AKAP6: variants seen among roughly 807,000 people sequenced by gnomAD.
The protein encoded by AKAP6 is A-kinase anchor protein 6.
Under a neutral mutation model 188.5 loss-of-function variants are expected in AKAP6, and 58 were observed. The observed-to-expected ratio is 0.31, with a 90% CI of 0.25 to 0.38. The LOEUF (loss-of-function observed/expected upper bound fraction) is 0.38. Ranked by LOEUF, AKAP6 falls within the 10% of genes least tolerant of loss-of-function variation. The pLI, the probability that AKAP6 is intolerant of heterozygous loss-of-function variation, is 1.00. For synonymous variants in AKAP6, 989 were observed against 998.6 expected, an observed-to-expected ratio of 0.99 and a Z score of 0.18; for missense variants, 2,710 against 2,740.0, an observed-to-expected ratio of 0.99 and a Z score of 0.24.
intron 1 of AKAP6, among the ~76,000 whole-genome samples, chr14:32,370,057 AC>A (rs1249723155): frequency 1.3e-5 from 2 of 152,028 alleles, no homozygotes; most frequent in Non-Finnish European, 2.9e-5. Context: ...AAAAATTATA[AC>A]CTCCTAGAGC....
intron 3 of AKAP6, among the ~76,000 whole-genome samples, chr14:32,543,852 G>A (rs1566565554): frequency 6.6e-6 from 1 of 152,114 alleles, no homozygotes; most frequent in Non-Finnish European, 1.5e-5. Context: ...TAGTACAGAC[G>A]GCAGAAGAAA....
intron 2 of AKAP6, among the ~76,000 whole-genome samples, chr14:32,488,324 A>G (rs1879812590): frequency 6.6e-6 from 1 of 152,150 alleles, no homozygotes; most frequent in Non-Finnish European, 1.5e-5. Flanking sequence ...CTTTGTTTAC[A>G]CTGTGAGGGG....
At chr14:32,523,192 G>C (rs567412088) in intron 2 of AKAP6, among the ~76,000 whole-genome samples, 3 of 152,016 alleles carry the variant, frequency 2.0e-5, no homozygotes, top group South Asian at 2.1e-4. Flanking sequence ...TGGGGGAAGG[G>C]GGGGAGGGAT....
At chr14:32,750,461 C>T (rs2032080579) in intron 11 of AKAP6, among the ~76,000 whole-genome samples, 1 of 151,946 alleles carries the variant, frequency 6.6e-6, no homozygotes, top group African/African-American at 2.4e-5. Context: ...GAGGCTCATT[C>T]TTGTAATCAT....
intron 2 of AKAP6, among the ~76,000 whole-genome samples, chr14:32,458,974 A>T (rs570264743): frequency 1.8e-4 from 27 of 152,346 alleles, no homozygotes; most frequent in South Asian, 4.1e-4. Flanking sequence ...CCCAAACTAG[A>T]AACAACCCAG....
At chr14:32,738,353 G>C (rs1594896687) in intron 11 of AKAP6, among the ~76,000 whole-genome samples, 1 of 152,236 alleles carries the variant, frequency 6.6e-6, no homozygotes, top group East Asian at 1.9e-4. Context: ...GCTAAAGAAG[G>C]CCACAGCGCT....
At chr14:32,585,983 T>C (rs562247115) in intron 5 of AKAP6, among the ~76,000 whole-genome samples, 3 of 152,272 alleles carry the variant, frequency 2.0e-5, no homozygotes, top group South Asian at 2.1e-4. Context: ...TGGGGACTCA[T>C]TGAAGGTCCG....
intron 1 of AKAP6, among the ~76,000 whole-genome samples, chr14:32,376,589 T>G (rs774954885): frequency 1.3e-5 from 2 of 152,242 alleles, no homozygotes; most frequent in Non-Finnish European, 2.9e-5. Context: ...TAAATAAAAC[T>G]AAGTTCTCTA....
At chr14:32,406,747 G>A (rs1041421082) in intron 1 of AKAP6, among the ~76,000 whole-genome samples, 1 of 152,064 alleles carries the variant, frequency 6.6e-6, no homozygotes, top group African/African-American at 2.4e-5. Flanking sequence ...TCTAGGGGCC[G>A]CAGGAAGGCA....
rs1432552474 is a variant in AKAP6, at chr14:32,745,047, T to C, written c.3372+9165T>C. 2.6e-5 allele frequency among the ~76,000 whole-genome samples: 4 copies of C among 152,152 alleles called. 1 individual carries two copies. The highest frequency in any genetic ancestry group is 5.9e-5 in the Non-Finnish European group (4 of 68,026). On this transcript the variant is annotated intron_variant, in intron 11 of 13. Transcript: ENST00000280979. ...CTTTGAGTTTTTGCAACACAGCAAT[T>C]TTGAGTTATTTGTCTGAAAGGTCAC...
In AKAP6 at chr14:32,602,413, T is replaced by C. The variant is rs138722357; in HGVS notation, c.2730+1621T>C. On this transcript the variant is annotated intron_variant, in intron 7 of 13. Transcript: ENST00000280979. ...AGGAGGCTGAGACAGGAAGATTGCT[T>C]CAGCCCAGGAGTTTGAGGCTGCAGG... is the stretch of plus-strand genomic sequence containing the variant. Among the ~76,000 whole-genome samples the C allele has an allele frequency of 6.8e-3, 1,032 of 152,216 alleles. 20 individuals are homozygous for C. The highest frequency in any genetic ancestry group is 0.023 in the African/African-American group (966 of 41,522).
At chr14:32,375,969 A>G (rs1264879347) in intron 1 of AKAP6, 2 of 152,234 alleles carry the variant, frequency 1.3e-5, no homozygotes, top group East Asian at 3.8e-4. Flanking sequence ...AAAATGCTCC[A>G]TATTTTCTGC....
intron 2 of AKAP6, among the ~76,000 whole-genome samples, chr14:32,461,980 A>C (rs1454903359): frequency 1.3e-5 from 2 of 151,928 alleles, no homozygotes; most frequent in East Asian, 3.9e-4. Context: ...AAAGGATATC[A>C]GAGATTGAAG....
intron 9 of AKAP6, among the ~76,000 whole-genome samples, chr14:32,710,608 C>T (rs10146478): frequency 5.9e-5 from 9 of 151,892 alleles, no homozygotes; most frequent in East Asian, 1.9e-4. Context: ...CAATCACAGA[C>T]GAAAAAAAAC....
At chr14:32,516,169 A>G (rs956328927) in intron 2 of AKAP6, among the ~76,000 whole-genome samples, 41 of 152,180 alleles carry the variant, frequency 2.7e-4, no homozygotes, top group African/African-American at 9.6e-4. Context: ...CTTTTTGCGT[A>G]TTCTGTGATG....
chr14:32,405,537 C>A (rs1046289816), intron 1 of AKAP6, among the ~76,000 whole-genome samples: 32 of 152,192 alleles, frequency 2.1e-4, no homozygotes, highest in Non-Finnish European at 3.4e-4. Flanking sequence ...TTTCAGATTT[C>A]AGTTTGCAGT....
rs371651824 is a variant in AKAP6, at chr14:32,497,405, T to C, written c.325-38149T>C. On this transcript the variant is annotated intron_variant, in intron 2 of 13. Coordinates refer to ENST00000280979, the MANE Select transcript of AKAP6 (RefSeq NM_004274.5). ...ATTTAGAAGTGCATTATTTCTTTTCTAAGTATTTGGGGATTTTCCAAAAGT... is the reference window on the plus strand; with the variant it reads ...ATTTAGAAGTGCATTATTTCTTTTCCAAGTATTTGGGGATTTTCCAAAAGT... Among the ~76,000 whole-genome samples the C allele has an allele frequency of 3.3e-5, 5 of 152,276 alleles. No homozygotes were observed. In the South Asian group the frequency reaches 6.2e-4, roughly 19 times the overall value.
At chr14:32,779,965 AG>A (rs1477147462) in intron 12 of AKAP6, among the ~76,000 whole-genome samples, 1 of 152,066 alleles carries the variant, frequency 6.6e-6, no homozygotes, top group East Asian at 1.9e-4. Flanking sequence ...AGGTTCCTAA[AG>A]AAAGTGAAAA....
intron 12 of AKAP6, among the ~76,000 whole-genome samples, chr14:32,781,361 A>G (rs1016853028): frequency 4.6e-5 from 7 of 151,902 alleles, no homozygotes; most frequent in African/African-American, 7.2e-5. Flanking sequence ...AAAAAAAAAA[A>G]AAGAGAATAT....
Sources: gnomAD v4.1 joint callset for allele counts (sites outside exome capture counted in the v4.1 genomes callset) on GRCh38, gnomAD v4.1.1 for gene constraint, MANE v1.5 for transcripts, NCBI Gene and HGNC (gene_info 2026-07-23, HGNC 2026-07-21) for gene names.